CDK5RAP2: variants seen among roughly 807,000 people sequenced by gnomAD.
CDK5RAP2 encodes CDK5 regulatory subunit-associated protein 2.
CDK5RAP2 carries 147 observed loss-of-function variants against 232.9 expected under a neutral mutation model. That is an observed-to-expected ratio of 0.63 (90% CI 0.55 to 0.72). The LOEUF (loss-of-function observed/expected upper bound fraction) is 0.72. Among genes scored for constraint, CDK5RAP2 ranks in the 30% least tolerant of loss-of-function variants. The pLI is 0.00. For synonymous variants in CDK5RAP2, 833 were observed against 833.7 expected (o/e 1.00, Z 0.01); for missense variants, 2,195 against 2,231.5 (o/e 0.98, Z 0.33).
At chr9:120,453,926 T>C in intron 20 of CDK5RAP2, 53 bp from the exon 21 acceptor site, 1 of 1,557,736 alleles carries the variant, frequency 6.4e-7, no homozygotes. Flanking sequence ...TGCTAGGCCT[T>C]GTCCCCTAGC....
At chr9:120,407,579 G>A in intron 31 of CDK5RAP2, 1 of 348,166 alleles carries the variant, frequency 2.9e-6, no homozygotes, top group East Asian at 6.3e-5. Context: ...ATGATTTTAA[G>A]AGCCACACTA....
intron 6 of CDK5RAP2, 84 bp downstream of exon 6, chr9:120,538,957 T>C (rs1049418441): frequency 1.4e-6 from 2 of 1,448,642 alleles, no homozygotes; most frequent in Non-Finnish European, 1.9e-6. Context: ...AAACTGACGG[T>C]TTATAAAAAA....
Position 120,491,462 on chromosome 9 carries a change from C to T in CDK5RAP2, c.1327G>A (p.Val443Ile). ...TTCACTTCATTGCGTAATTTTTCAA[C>T]TTCATTTCTAAGATCCTACCAGAAG... Reference protein sequence around the residue: ...DCTIRDLRNEVEKLRNEVNER... With the variant: ...DCTIRDLRNEIEKLRNEVNER... The change falls in exon 13 of 38, where the codon GTT becomes ATT. Residue 443 changes from valine (V) to isoleucine (I), a missense_variant. Transcript: ENST00000349780. 2 of 1,610,258 alleles carry T rather than the reference C, an allele frequency of 1.2e-6. No individual in the cohort carries two copies. The highest frequency in any genetic ancestry group is 1.7e-6 in the Non-Finnish European group (2 of 1,178,316).
At chr9:120,528,050 T>C (rs1282257576) in intron 9 of CDK5RAP2, 125 bp from the exon 10 acceptor site, 2 of 1,311,824 alleles carry the variant, frequency 1.5e-6, no homozygotes, top group South Asian at 1.2e-5. Flanking sequence ...CTGTGATTAA[T>C]GTTTCCAAGT....
At chr9:120,474,934 G>C (rs1176541259) in intron 15 of CDK5RAP2, among the ~76,000 whole-genome samples, 1 of 152,154 alleles carries the variant, frequency 6.6e-6, no homozygotes, top group African/African-American at 2.4e-5. Context: ...GCCAAGGTCT[G>C]AGGATTCAAA....
At chr9:120,464,543 T>G (rs1234133082) in intron 18 of CDK5RAP2, among the ~76,000 whole-genome samples, 1 of 152,166 alleles carries the variant, frequency 6.6e-6, no homozygotes, top group Non-Finnish European at 1.5e-5. Context: ...CTACTCAAAG[T>G]GTATTCCTTA....
intron 11 of CDK5RAP2, among the ~76,000 whole-genome samples, 182 bp downstream of exon 11, chr9:120,524,804 G>T (rs187297912): frequency 6.6e-6 from 1 of 152,144 alleles, no homozygotes; most frequent in East Asian, 1.9e-4. Context: ...TTGAGGAGGG[G>T]GCTGGAAAAG....
At chr9:120,572,604 T>C (rs1014969493) in intron 1 of CDK5RAP2, among the ~76,000 whole-genome samples, 1 of 152,174 alleles carries the variant, frequency 6.6e-6, no homozygotes, top group Non-Finnish European at 1.5e-5. Flanking sequence ...ATTACATAAA[T>C]AAATTCAGTG....
chr9:120,465,696 C>T lies in CDK5RAP2; in HGVS notation c.2106+2164G>A, dbSNP rs557331110. Among the ~76,000 whole-genome samples, 16 of 147,986 alleles carry T rather than the reference C, an allele frequency of 1.1e-4. No homozygotes were observed. The East Asian group carries it at 2.3e-3, about 22-fold the overall frequency. The stretch of plus-strand genomic sequence containing the variant: ...CTACTAATGACACATATCTGGGAAT[C>T]AACTCTAAGGAAAAAAAAAAAAACC... On this transcript the variant is annotated intron_variant, in intron 18 of 37. Transcript: ENST00000349780.
At chr9:120,506,040 T>C (rs1352157574) in intron 12 of CDK5RAP2, among the ~76,000 whole-genome samples, 1 of 152,218 alleles carries the variant, frequency 6.6e-6, no homozygotes, top group African/African-American at 2.4e-5. Context: ...TGGAAGAAGA[T>C]GCCATCTAGG....
rs2041833513 is a variant in CDK5RAP2, at chr9:120,546,162, C to A, written c.307-372G>T. 2.0e-5 allele frequency among the ~76,000 whole-genome samples: 3 copies of A among 152,088 alleles called. No individual in the cohort carries two copies. In the South Asian group the frequency reaches 6.2e-4, roughly 32 times the overall value. On this transcript the variant is annotated intron_variant, in intron 4 of 37. Transcript: ENST00000349780. ...GCGGTGTGTTTTTCCCATTCCAAAG[C>A]AATTACTGGTGGTTGTTTACAATCA...
chr9:120,543,065 G>A (rs1462233797), intron 5 of CDK5RAP2, among the ~76,000 whole-genome samples: 1 of 152,216 alleles, frequency 6.6e-6, no homozygotes, highest in Non-Finnish European at 1.5e-5. Flanking sequence ...GGAAGCTGGA[G>A]CAGTTGGGTC....
At chr9:120,554,156 C>T (rs2042142218) in intron 3 of CDK5RAP2, among the ~76,000 whole-genome samples, 2 of 152,064 alleles carry the variant, frequency 1.3e-5, no homozygotes, top group Admixed American at 1.3e-4. Flanking sequence ...AGATAGGTTA[C>T]TATTTTTTAA....
At chr9:120,535,418 A>G (rs1028720251) in intron 7 of CDK5RAP2, among the ~76,000 whole-genome samples, 5 of 152,260 alleles carry the variant, frequency 3.3e-5, no homozygotes, top group Non-Finnish European at 7.3e-5. Flanking sequence ...CCAAGCACCT[A>G]AACAACACAG....
At chr9:120,528,140 T>G (rs2040989734) in intron 9 of CDK5RAP2, among the ~76,000 whole-genome samples, 1 of 152,182 alleles carries the variant, frequency 6.6e-6, no homozygotes, top group Non-Finnish European at 1.5e-5. Flanking sequence ...GGGAAGGGGA[T>G]CAAATCAGTT....
chr9:120,465,139 A>C (rs186538212), intron 18 of CDK5RAP2, among the ~76,000 whole-genome samples: 1 of 152,316 alleles, frequency 6.6e-6, no homozygotes, highest in East Asian at 1.9e-4. Flanking sequence ...AGTAAATAAT[A>C]ATAGTGACTA....
At chr9:120,463,092 C>A (rs2037180510) in intron 18 of CDK5RAP2, among the ~76,000 whole-genome samples, 1 of 152,018 alleles carries the variant, frequency 6.6e-6, no homozygotes, top group South Asian at 2.1e-4. Context: ...CAAAACAGGG[C>A]CAGGCACGGT....
intron 21 of CDK5RAP2, among the ~76,000 whole-genome samples, chr9:120,448,553 A>G (rs2036319906): frequency 6.6e-6 from 1 of 152,138 alleles, no homozygotes; most frequent in African/African-American, 2.4e-5. Context: ...TAAGTTGCCA[A>G]CCCAGCGGAT....
chr9:120,405,391 G>C (rs970610890), intron 32 of CDK5RAP2, among the ~76,000 whole-genome samples: 1 of 152,106 alleles, frequency 6.6e-6, no homozygotes, highest in African/African-American at 2.4e-5. Context: ...GGCTGCTTTC[G>C]GCAAATTTCA....
Sources: gnomAD v4.1 joint callset for allele counts (sites outside exome capture counted in the v4.1 genomes callset) on GRCh38, gnomAD v4.1.1 for gene constraint, MANE v1.5 for transcripts, NCBI Gene and HGNC (gene_info 2026-07-23, HGNC 2026-07-21) for gene names.